Variants in RAP1GAP observed in about 807,000 individuals in gnomAD.
RAP1GAP encodes rap1 GTPase-activating protein 1.
In RAP1GAP, 35 loss-of-function variants were observed where a neutral mutation model predicts 87.2. The ratio of observed to expected loss-of-function variants is 0.40; its 90% CI spans 0.31 to 0.53. The LOEUF (loss-of-function observed/expected upper bound fraction) is 0.53. Ranked by LOEUF, RAP1GAP falls within the 20% of genes least tolerant of loss-of-function variation. The pLI, the probability that RAP1GAP is intolerant of heterozygous loss-of-function variation, is 0.48. For synonymous variants in RAP1GAP, 375 were observed against 363.9 expected (o/e 1.03, Z -0.35); for missense variants, 734 against 898.9 (o/e 0.82, Z 2.35).
In RAP1GAP at chr1:21,599,417, T is replaced by C. The variant is rs1054712629; in HGVS notation, c.1776+77A>G. On this transcript the variant is annotated intron_variant, in intron 21 of 24. Coordinates refer to ENST00000374765, the MANE Select transcript of RAP1GAP (RefSeq NM_002885.4). ...TCAGCCACGCCCAGGCTCGTGGTTCTACTCAGGGCATCTCCAGGGACCAAA... is the reference window on the plus strand; with the variant it reads ...TCAGCCACGCCCAGGCTCGTGGTTCCACTCAGGGCATCTCCAGGGACCAAA... The C allele has an allele frequency of 7.8e-6, 12 of 1,530,562 alleles. No individual in the cohort carries two copies. In the East Asian group the frequency reaches 1.1e-4, roughly 14 times the overall value. 94.8% of individuals were successfully genotyped at this position (1,530,562 alleles called of 1,614,324 possible).
At position 21,613,151 on chromosome 1, in the gene RAP1GAP, G is replaced by A. The variant is rs377665230; in HGVS notation, c.528+25C>T. On this transcript the variant is annotated intron_variant, in intron 10 of 24. Transcript: ENST00000374765. This position sits in a 1 kb window ranked among gnomAD's most constrained non-coding sequence, Gnocchi z 4.7. ...TTCCAGTTACTCACCCACCCTCAGT[G>A]AGCTGTGCCCAGATCCAGCCATACC... 251 of 1,528,608 alleles carry A rather than the reference G, an allele frequency of 1.6e-4. No individual in the cohort carries two copies. The highest frequency in any genetic ancestry group is 2.2e-4 in the Non-Finnish European group (243 of 1,102,416). The allele number at this position is 1,528,608 out of a possible 1,614,324, so 94.7% of individuals were successfully genotyped here.
At chr1:21,648,253 A>G (rs2096257771) in intron 2 of RAP1GAP, among the ~76,000 whole-genome samples, 1 of 152,152 alleles carries the variant, frequency 6.6e-6, no homozygotes. Flanking sequence ...AGTTACAATC[A>G]GTCCTGGGCC....
chr1:21,598,529 G>A (rs954325546), intron 21 of RAP1GAP, 27 bp from the exon 22 acceptor site: 1 of 1,579,452 alleles, frequency 6.3e-7, no homozygotes, highest in African/African-American at 1.3e-5. Flanking sequence ...AAGAGGGAGG[G>A]AGGTTAGCCT....
At chr1:21,617,659 C>T (rs2083148148) in intron 6 of RAP1GAP, among the ~76,000 whole-genome samples, 168 bp from the exon 7 acceptor site, 1 of 152,230 alleles carries the variant, frequency 6.6e-6, no homozygotes, top group African/African-American at 2.4e-5. Flanking sequence ...TTTCCCTCAG[C>T]CAGACCCAGA....
intron 1 of RAP1GAP, among the ~76,000 whole-genome samples, chr1:21,667,166 C>A (rs1275847716): frequency 6.6e-6 from 1 of 152,210 alleles, no homozygotes; most frequent in Non-Finnish European, 1.5e-5. Context: ...CAGATGGCAG[C>A]ATGGAGGACA....
In RAP1GAP at chr1:21,610,171, G is replaced by A. The variant is rs2077348548; in HGVS notation, c.948C>T (p.Ala316=). The change falls in exon 14 of 25, where the codon GCC becomes GCT. Residue 316 remains alanine (A), a synonymous_variant. Transcript: ENST00000374765. ...CGCCCTCAGCCTGCACCACGACGTA[G>A]GCATGCAGGAAGTTGGACGCGATCA... ...PDMIASNFLH[A]YVVVQAEGGG... is the part of the protein sequence containing the mutation. 2 of 1,614,068 alleles carry A rather than the reference G, an allele frequency of 1.2e-6. No homozygotes were observed. Among genetic ancestry groups the A allele is most frequent in the South Asian group, 2.2e-5 (2 of 91,092 alleles).
At chr1:21,629,707 G>A (rs957879501) in intron 2 of RAP1GAP, among the ~76,000 whole-genome samples, 4 of 152,202 alleles carry the variant, frequency 2.6e-5, no homozygotes, top group African/African-American at 7.2e-5. Context: ...ACAAAGCCAC[G>A]TCCTGCCGGG....
chr1:21,652,774 T>C (rs2096668675), intron 1 of RAP1GAP, among the ~76,000 whole-genome samples: 1 of 152,074 alleles, frequency 6.6e-6, no homozygotes, highest in South Asian at 2.1e-4. Flanking sequence ...CCCACCCAAG[T>C]GGAGCTGTGT....
chr1:21,609,007 C>T lies in RAP1GAP; in HGVS notation c.1072-71G>A, dbSNP rs915453810. 1.3e-5 allele frequency: 17 copies of T among 1,313,818 alleles called. No homozygotes were observed. In the Admixed American group the frequency reaches 2.9e-4, roughly 22 times the overall value. The allele number at this position is 1,313,818 out of a possible 1,614,324, so 81.4% of individuals were successfully genotyped here. ...GACACATAAACAAGGGTCGGAACCC[C>T]AACGAGGCAGAGGCTGCAGCTCCTG... On this transcript the variant is annotated intron_variant, in intron 15 of 24. Coordinates refer to ENST00000374765, the MANE Select transcript of RAP1GAP (RefSeq NM_002885.4). The surrounding 1 kb of genome is among the most constrained non-coding windows in gnomAD (Gnocchi z 4.4).
chr1:21,655,211 A>C (rs1415441584), intron 1 of RAP1GAP, among the ~76,000 whole-genome samples: 1 of 152,188 alleles, frequency 6.6e-6, no homozygotes, highest in Non-Finnish European at 1.5e-5. Flanking sequence ...AAACTATATG[A>C]AGTTGCCATT....
Position 21,603,766 on chromosome 1 carries a change from G to A in RAP1GAP, c.1429-853C>T, listed in dbSNP as rs763511483. 1.3e-5 allele frequency: 20 copies of A among 1,512,530 alleles called. No homozygotes were observed. The Admixed American group carries it at 1.7e-4, about 13-fold the overall frequency. The allele number at this position is 1,512,530 out of a possible 1,614,324, so 93.7% of individuals were successfully genotyped here. On this transcript the variant is annotated intron_variant, in intron 18 of 24. Transcript: ENST00000374765. This position sits in a 1 kb window ranked among gnomAD's most constrained non-coding sequence, Gnocchi z 6.0. ...GGGCAACGTCCCCAATATGGCCTCC[G>A]TCCTGAGAGCGAGCAGAGAACAGCG...
At chr1:21,627,830 G>A (rs1281716044) in intron 2 of RAP1GAP, among the ~76,000 whole-genome samples, 4 of 152,142 alleles carry the variant, frequency 2.6e-5, no homozygotes, top group African/African-American at 9.7e-5. Context: ...CAGGAGTGAT[G>A]GCATCTTACA....
At position 21,611,463 on chromosome 1, in the gene RAP1GAP, C is replaced by A; in HGVS notation, c.832G>T (p.Asp278Tyr). 1 of 1,613,898 alleles carries A rather than the reference C, an allele frequency of 6.2e-7. No homozygotes were observed. Among genetic ancestry groups the A allele is most frequent in the Non-Finnish European group, 8.5e-7 (1 of 1,179,922 alleles). Reference sequence around the variant, plus strand: ...GGTGCCCAGGCTACCTGCTGGGCGTCCCCTTCCGTGTATGGCAGCTTGGTG... The same window carrying A: ...GGTGCCCAGGCTACCTGCTGGGCGTACCCTTCCGTGTATGGCAGCTTGGTG... ...VSTKLPYTEG[D>Y]AQQLQRKRHI... is the part of the protein sequence containing the mutation. Residue 278 changes from aspartate to tyrosine, a missense_variant, in exon 13 of 25, where the codon GAC becomes TAC. Physicochemically the swap from Asp to Tyr is radical, Grantham distance 160. Transcript: ENST00000374765.
At position 21,613,285 on chromosome 1, in the gene RAP1GAP, G is replaced by GCC; in HGVS notation, c.475-57_475-56insGG. ...GTGTGGGGCCAGGGAGGAGAGGATG[G>GCC]GGCTGCCTGGGCCTCCCTGGTCAAG... is the stretch of plus-strand genomic sequence containing the variant. On this transcript the variant is annotated intron_variant, in intron 9 of 24. Coordinates refer to ENST00000374765, the MANE Select transcript of RAP1GAP (RefSeq NM_002885.4). The surrounding 1 kb of genome is among the most constrained non-coding windows in gnomAD (Gnocchi z 4.7). The GCC allele has an allele frequency of 1.4e-6, 2 of 1,422,356 alleles. No homozygotes were observed. The highest frequency in any genetic ancestry group is 2.0e-6 in the Non-Finnish European group (2 of 1,005,872). 88.1% of individuals were successfully genotyped at this position (1,422,356 alleles called of 1,614,324 possible). A position where few individuals can be genotyped will look rare whatever the true frequency, so the allele number is the denominator to read the frequency against.
intron 13 of RAP1GAP, 63 bp from the exon 14 acceptor site, chr1:21,610,338 C>T: frequency 3.2e-6 from 5 of 1,582,876 alleles, no homozygotes; most frequent in Non-Finnish European, 4.3e-6. Context: ...GAGAGGGGTG[C>T]CCACGGGGGT....
rs557025432 is a variant in RAP1GAP at position 21,609,146 on chromosome 1, C to T, written c.1072-210G>A. Among the ~76,000 whole-genome samples, 32 of 152,282 alleles carry T rather than the reference C, an allele frequency of 2.1e-4. No homozygotes were observed. The South Asian group carries it at 5.8e-3, about 28-fold the overall frequency. On this transcript the variant is annotated intron_variant, in intron 15 of 24. Coordinates refer to ENST00000374765, the MANE Select transcript of RAP1GAP (RefSeq NM_002885.4). This position sits in a 1 kb window ranked among gnomAD's most constrained non-coding sequence, Gnocchi z 4.4. ...CCCCAGTGCCCTTCATGGCTGCCCA[C>T]GCCTTCGGGAGAGCAAACTCCACAG...
At chr1:21,636,938 GAGGGAGGA>G (rs1450746168) in intron 2 of RAP1GAP, among the ~76,000 whole-genome samples, 1 of 117,448 alleles carries the variant, frequency 8.5e-6, no homozygotes, top group Non-Finnish European at 1.8e-5. Flanking sequence ...GGGAGGGAGG[GAGGGAGGA>G]AGGGAGGGAG....
chr1:21,609,001 G>T lies in RAP1GAP; in HGVS notation c.1072-65C>A. On this transcript the variant is annotated intron_variant, in intron 15 of 24. Coordinates refer to ENST00000374765, the MANE Select transcript of RAP1GAP (RefSeq NM_002885.4). This position sits in a 1 kb window ranked among gnomAD's most constrained non-coding sequence, Gnocchi z 4.4. ...TGAGATGACACATAAACAAGGGTCG[G>T]AACCCCAACGAGGCAGAGGCTGCAG... The T allele has an allele frequency of 7.4e-7, 1 of 1,359,148 alleles. No homozygotes were observed. The highest frequency in any genetic ancestry group is 1.1e-6 in the Non-Finnish European group (1 of 949,112). The allele number at this position is 1,359,148 out of a possible 1,614,324, so 84.2% of individuals were successfully genotyped here.
chr1:21,628,598 T>C (rs1008764677), intron 2 of RAP1GAP, among the ~76,000 whole-genome samples: 3 of 152,078 alleles, frequency 2.0e-5, no homozygotes, highest in Admixed American at 6.5e-5. Flanking sequence ...TGCACGCCTA[T>C]AGTCCCAGCT....
Sources: gnomAD v4.1 joint callset for allele counts (sites outside exome capture counted in the v4.1 genomes callset) on GRCh38, gnomAD v4.1.1 for gene constraint, Gnocchi (gnomAD v3.1) non-coding constraint, MANE v1.5 for transcripts, NCBI Gene and HGNC (gene_info 2026-07-23, HGNC 2026-07-21) for gene names.